Variants in SMG7 observed in about 807,000 individuals in gnomAD.
SMG7 encodes the protein nonsense-mediated mRNA decay factor SMG7.
In SMG7, 34 loss-of-function variants were observed where a neutral mutation model predicts 148.2. The observed-to-expected ratio is 0.23, with a 90% confidence interval of 0.17 to 0.31. SMG7 has a LOEUF of 0.31. SMG7 is among the 10% of genes least tolerant of loss of function. The pLI is 1.00. For synonymous variants in SMG7, 492 were observed against 515.1 expected, an observed-to-expected ratio of 0.96 and a Z score of 0.61; for missense variants, 1,114 against 1,408.4, an observed-to-expected ratio of 0.79 and a Z score of 3.35.
intron 4 of SMG7, among the ~76,000 whole-genome samples, chr1:183,525,136 G>A (rs1393210261): frequency 6.6e-6 from 1 of 152,180 alleles, no homozygotes; most frequent in African/African-American, 2.4e-5. Flanking sequence ...AGAACTGTGT[G>A]CGGGGCAAGA....
intron 14 of SMG7, among the ~76,000 whole-genome samples, chr1:183,542,767 A>T (rs1174063526): frequency 6.6e-6 from 1 of 152,158 alleles, no homozygotes; most frequent in Non-Finnish European, 1.5e-5. Context: ...TTAGTTGCAG[A>T]GTTGTCAGTT....
chr1:183,504,207 T>C (rs1309112178), intron 1 of SMG7, among the ~76,000 whole-genome samples: 2 of 152,220 alleles, frequency 1.3e-5, no homozygotes, highest in African/African-American at 4.8e-5. Context: ...ACCAGTGTTA[T>C]CATTTTGACT....
intron 1 of SMG7, among the ~76,000 whole-genome samples, chr1:183,480,633 C>T (rs371914579): frequency 1.3e-5 from 2 of 152,064 alleles, no homozygotes; most frequent in East Asian, 3.9e-4. Context: ...AGACTGTGCC[C>T]TCAAGTAGTT....
At chr1:183,488,832 C>T (rs543662015) in intron 1 of SMG7, among the ~76,000 whole-genome samples, 3 of 151,886 alleles carry the variant, frequency 2.0e-5, no homozygotes, top group African/African-American at 7.2e-5. Context: ...TACAGGCACC[C>T]ACCACCATGT....
At chr1:183,528,612 GA>G (rs1311951325) in intron 6 of SMG7, among the ~76,000 whole-genome samples, 1 of 152,164 alleles carries the variant, frequency 6.6e-6, no homozygotes, top group Admixed American at 6.6e-5. Context: ...GAGTGGTTGT[GA>G]TAGAGACCCT....
chr1:183,511,392 G>C (rs1473770124), intron 1 of SMG7, among the ~76,000 whole-genome samples: 1 of 152,196 alleles, frequency 6.6e-6, no homozygotes, highest in African/African-American at 2.4e-5. Flanking sequence ...GCTTTCTGAA[G>C]CAGTAATGTT....
rs978491485 is a variant in SMG7 at position 183,526,527 on chromosome 1, T to TAG, written c.313-68_313-67insGA. On this transcript the variant is annotated intron_variant, in intron 4 of 22. Coordinates refer to ENST00000688051, the MANE Select transcript of SMG7 (RefSeq NM_001375584.1). ...AGTATGTGGTACTAGGTACACATCTTACAGTTTATAAACTTTACTTTTAGA... is the reference window on the plus strand; with the variant it reads ...AGTATGTGGTACTAGGTACACATCTTAGACAGTTTATAAACTTTACTTTTAGA... 383 of 1,012,992 alleles carry TAG rather than the reference T, an allele frequency of 3.8e-4. 5 individuals carry two copies. The highest frequency in any genetic ancestry group is 2.1e-3 in the South Asian group (141 of 66,534). 62.8% of individuals were successfully genotyped at this position (1,012,992 alleles called of 1,614,324 possible).
intron 22 of SMG7, 113 bp downstream of exon 22, chr1:183,551,303 C>G: frequency 1.0e-6 from 1 of 973,124 alleles, no homozygotes; most frequent in East Asian, 2.6e-5. Context: ...TGATACATAG[C>G]ACATATATAA....
chr1:183,493,011 C>T (rs908475153), intron 1 of SMG7, among the ~76,000 whole-genome samples: 5 of 152,022 alleles, frequency 3.3e-5, no homozygotes, highest in African/African-American at 9.7e-5. Flanking sequence ...GCTCTGTTGC[C>T]TAGGTATTGT....
intron 1 of SMG7, among the ~76,000 whole-genome samples, chr1:183,504,023 G>A (rs911648275): frequency 6.6e-6 from 1 of 152,120 alleles, no homozygotes; most frequent in South Asian, 2.1e-4. Context: ...GCCATGGGCC[G>A]AGGCATTATT....
At chr1:183,536,376 C>T (rs1207759184) in intron 10 of SMG7, among the ~76,000 whole-genome samples, 2 of 152,022 alleles carry the variant, frequency 1.3e-5, no homozygotes, top group Non-Finnish European at 2.9e-5. Flanking sequence ...AAAAATCTTG[C>T]CCTGTCATAT....
Position 183,553,489 on chromosome 1 carries a change from G to T in SMG7, c.*1558G>T. 2.9e-6 allele frequency: 1 copy of T among 350,802 alleles called. No homozygotes were observed. The highest frequency in any genetic ancestry group is 2.1e-5 in the African/African-American group (1 of 47,888). 21.7% of individuals were successfully genotyped at this position (350,802 alleles called of 1,614,324 possible). ...GGAGTTAGTGTGGAACTTAAGAGCT[G>T]GAAGACAGCTGTAGAGCAAAGCACA... On this transcript the variant is annotated 3_prime_UTR_variant, in exon 23 of 23. Coordinates refer to ENST00000688051, the MANE Select transcript of SMG7 (RefSeq NM_001375584.1).
At chr1:183,517,466 G>A (rs1056716314) in intron 3 of SMG7, among the ~76,000 whole-genome samples, 6 of 152,152 alleles carry the variant, frequency 3.9e-5, no homozygotes, top group African/African-American at 2.4e-5. Context: ...CTGATTATTC[G>A]AACATTTGGT....
At chr1:183,486,573 G>C (rs774758198) in intron 1 of SMG7, among the ~76,000 whole-genome samples, 3 of 152,086 alleles carry the variant, frequency 2.0e-5, no homozygotes, top group African/African-American at 4.8e-5. Context: ...ACCACGCCTG[G>C]CCGATTTTTG....
At chr1:183,487,844 T>A (rs1429330316) in intron 1 of SMG7, among the ~76,000 whole-genome samples, 1 of 152,218 alleles carries the variant, frequency 6.6e-6, no homozygotes, top group African/African-American at 2.4e-5. Flanking sequence ...CTTTATAAAT[T>A]GTGGGGATTT....
At chr1:183,472,948 T>G (rs1651088824) in intron 1 of SMG7, 171 of 309,676 alleles carry the variant, frequency 5.5e-4, no homozygotes, top group East Asian at 5.6e-4. Context: ...TAGCGAGGGG[T>G]GGAGAGAAAC....
At chr1:183,485,335 T>G (rs1655184215) in intron 1 of SMG7, among the ~76,000 whole-genome samples, 1 of 152,208 alleles carries the variant, frequency 6.6e-6, no homozygotes, top group African/African-American at 2.4e-5. Context: ...AACACTCTTC[T>G]CATCAGTGTC....
At chr1:183,473,843 G>C in intron 1 of SMG7, 4 of 985,362 alleles carry the variant, frequency 4.1e-6, no homozygotes, top group Non-Finnish European at 4.8e-6. Flanking sequence ...CACTTTAGCT[G>C]TTTAGTGACA....
rs528576889 is a variant in SMG7 at position 183,553,339 on chromosome 1, C to A, written c.*1408C>A. 12 of 934,140 alleles carry A rather than the reference C, an allele frequency of 1.3e-5. No homozygotes were observed. Among genetic ancestry groups the A allele is most frequent in the African/African-American group, 8.3e-5 (5 of 60,198 alleles). 57.9% of individuals were successfully genotyped at this position (934,140 alleles called of 1,614,324 possible). On this transcript the variant is annotated 3_prime_UTR_variant, in exon 23 of 23. Coordinates refer to ENST00000688051, the MANE Select transcript of SMG7 (RefSeq NM_001375584.1). ...AAATTATGGAAACAATCTAATTGTTCAATTGCTGTGCTAGTGGTAGGGTTT... is the reference window on the plus strand; with the variant it reads ...AAATTATGGAAACAATCTAATTGTTAAATTGCTGTGCTAGTGGTAGGGTTT...
Sources: gnomAD v4.1 joint callset for allele counts (sites outside exome capture counted in the v4.1 genomes callset) on GRCh38, gnomAD v4.1.1 for gene constraint, MANE v1.5 for transcripts, NCBI Gene and HGNC (gene_info 2026-07-23, HGNC 2026-07-21) for gene names.